The following ZDHHC15 variants were observed in gnomAD, a reference collection of about 807,000 sequenced individuals.
The protein encoded by ZDHHC15 is zDHHC palmitoyltransferase 15, also known as palmitoyltransferase ZDHHC15.
In ZDHHC15, 19 loss-of-function variants were observed where a neutral mutation model predicts 31.7. That is an observed-to-expected ratio of 0.60 (90% confidence interval 0.42 to 0.88). ZDHHC15 has a LOEUF of 0.88. Among genes scored for constraint, ZDHHC15 ranks in the 40% least tolerant of loss-of-function variants. The probability of loss-of-function intolerance (pLI) is 0.00; values close to 1 mark genes in which losing one functional copy is unlikely to be tolerated. For synonymous variants in ZDHHC15, 103 were observed against 90.0 expected (o/e 1.14, Z -0.82); for missense variants, 209 against 251.2 (o/e 0.83, Z 1.14).
At chrX:75,455,418 G>A (rs190706298) in intron 3 of ZDHHC15, among the ~76,000 whole-genome samples, 3,640 of 111,641 alleles carry the variant, frequency 0.033, 69 homozygotes, top group Non-Finnish European at 0.051. Flanking sequence ...AAAAACCCTA[G>A]AAGAAAACCT....
At chrX:75,454,974 A>G (rs1321311433) in intron 3 of ZDHHC15, among the ~76,000 whole-genome samples, 1 of 111,389 alleles carries the variant, frequency 9.0e-6, no homozygotes, top group Non-Finnish European at 1.9e-5. Flanking sequence ...TGTCATCCCC[A>G]TCAAGCTACC....
At position 75,422,806 on chromosome X, in the gene ZDHHC15, A is replaced by T. The variant is rs765816665; in HGVS notation, c.737-816T>A. ...AAATGGGTGCAAATACTTTTTTTTT[A>T]AATTTATTATTATTATACTTTAAGT... On this transcript the variant is annotated intron_variant, in intron 8 of 11. Coordinates refer to ENST00000373367, the MANE Select transcript of ZDHHC15 (RefSeq NM_144969.3). Among the ~76,000 whole-genome samples, 8 of 110,099 alleles carry T rather than the reference A, an allele frequency of 7.3e-5. No individual in the cohort carries two copies. In the South Asian group the frequency reaches 2.8e-3, roughly 38 times the overall value.
chrX:75,492,952 A>G lies in ZDHHC15; in HGVS notation c.163+12869T>C, dbSNP rs192785234. 1.9e-3 allele frequency among the ~76,000 whole-genome samples: 213 copies of G among 112,047 alleles called. 2 individuals are homozygous for G. The highest frequency in any genetic ancestry group is 1.8e-3 in the Non-Finnish European group (94 of 53,227). On this transcript the variant is annotated intron_variant, in intron 2 of 11. Coordinates refer to ENST00000373367, the MANE Select transcript of ZDHHC15 (RefSeq NM_144969.3). Reference sequence around the variant, plus strand: ...AGATCAGAGCAGAACTGAAGGAAATAGAGAGACAAAAAAATCCTTCAAAAA... The same window carrying G: ...AGATCAGAGCAGAACTGAAGGAAATGGAGAGACAAAAAAATCCTTCAAAAA...
At chrX:75,470,531 T>C (rs2084487989) in intron 3 of ZDHHC15, among the ~76,000 whole-genome samples, 1 of 111,755 alleles carries the variant, frequency 8.9e-6, no homozygotes, top group East Asian at 2.8e-4. Context: ...CCAGGGTAAC[T>C]GCACTGGGGA....
chrX:75,492,930 T>C (rs1223818539), intron 2 of ZDHHC15, among the ~76,000 whole-genome samples: 1 of 110,769 alleles, frequency 9.0e-6, no homozygotes, highest in Non-Finnish European at 1.9e-5. Flanking sequence ...ATAACTAAGA[T>C]CAGAGCAGAA....
chrX:75,452,806 C>G (rs2147915053), intron 3 of ZDHHC15, among the ~76,000 whole-genome samples: 1 of 111,626 alleles, frequency 9.0e-6, no homozygotes, highest in Non-Finnish European at 1.9e-5. Context: ...GAAATGGAGG[C>G]AGAAATAAAG....
intron 10 of ZDHHC15, among the ~76,000 whole-genome samples, chrX:75,416,251 G>A (rs2083546863): frequency 9.0e-6 from 1 of 111,619 alleles, no homozygotes. Context: ...AGAAAGGCTT[G>A]TTCTCTACCG....
chrX:75,474,575 C>T (rs866346960), intron 3 of ZDHHC15, among the ~76,000 whole-genome samples: 31 of 6,352 alleles, frequency 4.9e-3, no homozygotes, highest in Middle Eastern at 0.17. Context: ...CCCCTTTATA[C>T]ACACACACAC....
chrX:75,488,806 A>G (rs1372269970), intron 2 of ZDHHC15, among the ~76,000 whole-genome samples: 1 of 112,102 alleles, frequency 8.9e-6, no homozygotes, highest in African/African-American at 3.2e-5. Context: ...GCATTGCCTC[A>G]CCTAGGAAGC....
In ZDHHC15 at chrX:75,409,931, T is replaced by C. The variant is rs921263826; in HGVS notation, c.967+7156A>G. On this transcript the variant is annotated intron_variant, in intron 10 of 11. Transcript: ENST00000373367. ...ACAATAAAGAAACCAGGTCTAAGTCTACACATTTACAGTCAACTCATTTTT... is the reference window on the plus strand; with the variant it reads ...ACAATAAAGAAACCAGGTCTAAGTCCACACATTTACAGTCAACTCATTTTT... 7.3e-5 allele frequency among the ~76,000 whole-genome samples: 8 copies of C among 110,180 alleles called. No homozygotes were observed. The Admixed American group carries it at 7.8e-4, about 11-fold the overall frequency.
At chrX:75,451,437 T>C (rs2084115790) in intron 3 of ZDHHC15, among the ~76,000 whole-genome samples, 2 of 112,540 alleles carry the variant, frequency 1.8e-5, no homozygotes, top group Non-Finnish European at 3.8e-5. Context: ...AAGGGGAAAT[T>C]TAGATATTCT....
intron 3 of ZDHHC15, among the ~76,000 whole-genome samples, chrX:75,472,392 A>G (rs1037348900): frequency 4.5e-5 from 5 of 112,220 alleles, no homozygotes; most frequent in Non-Finnish European, 9.4e-5. Flanking sequence ...TTTGAGCACC[A>G]CACCTGGTTG....
rs764042296 is a variant in ZDHHC15 at position 75,379,213 on chromosome X, C to T, written c.968-15G>A. 19 of 1,208,107 alleles carry T rather than the reference C, an allele frequency of 1.6e-5. No individual in the cohort carries two copies. The South Asian group carries it at 1.8e-4, about 11-fold the overall frequency. ...TTCTGGATAATCTGCAAGGTTGAAA[C>T]GTGAAGATGATCAAATGTCCCCGTG... On this transcript the variant is annotated splice_polypyrimidine_tract_variant and intron_variant, in intron 10 of 11. Transcript: ENST00000373367.
At position 75,522,934 on chromosome X, in the gene ZDHHC15, C is replaced by T; in HGVS notation, c.91G>A (p.Val31Ile). 1 of 1,211,909 alleles carries T rather than the reference C, an allele frequency of 8.3e-7. No homozygotes were observed. The highest frequency in any genetic ancestry group is 1.1e-6 in the Non-Finnish European group (1 of 895,541). Residue 31 changes from valine to isoleucine, a missense_variant, in exon 1 of 12, where the codon GTC becomes ATC. Val to Ile is a conservative substitution (Grantham distance 29). Transcript: ENST00000373367. ...SWVPVLVIVL[V>I]VLWSYYAYVF... ...TAGGCATAGTAGGACCAGAGCACGA[C>T]GAGGACAATAACGAGCACTGGCACC...
At chrX:75,388,816 C>T (rs906930497) in intron 10 of ZDHHC15, among the ~76,000 whole-genome samples, 3 of 111,852 alleles carry the variant, frequency 2.7e-5, no homozygotes, top group Admixed American at 1.9e-4. Flanking sequence ...TGAATAGATG[C>T]CTCCACCAAT....
chrX:75,522,412 CAGTAGGAAATCCCT>C (rs1316171941), intron 1 of ZDHHC15, among the ~76,000 whole-genome samples: 2 of 111,307 alleles, frequency 1.8e-5, no homozygotes, highest in African/African-American at 6.5e-5. Context: ...TTGGAACTCT[CAGTAGGAAATCCCT>C]AGTAGGAAAT....
chrX:75,395,648 C>G (rs2083291989), intron 10 of ZDHHC15, among the ~76,000 whole-genome samples: 1 of 111,615 alleles, frequency 9.0e-6, no homozygotes, highest in South Asian at 3.7e-4. Context: ...TGCAATCCCT[C>G]TTAATATACC....
chrX:75,475,016 G>A (rs374274345), intron 3 of ZDHHC15, among the ~76,000 whole-genome samples: 3 of 111,207 alleles, frequency 2.7e-5, no homozygotes, highest in Non-Finnish European at 3.8e-5. Context: ...CCGAGATTGC[G>A]CCGCTGCACT....
In ZDHHC15 at chrX:75,449,075, C is replaced by A. The variant is rs772855961; in HGVS notation, c.379+1727G>T. 6.3e-5 allele frequency among the ~76,000 whole-genome samples: 7 copies of A among 110,286 alleles called. No homozygotes were observed. The East Asian group carries it at 1.7e-3, about 27-fold the overall frequency. ...ACCATCAGCACTACTGGTTCTCAAA[C>A]CGTTTAACTCAGACTATAATTACAT... is the stretch of plus-strand genomic sequence containing the variant. On this transcript the variant is annotated intron_variant, in intron 4 of 11. Coordinates refer to ENST00000373367, the MANE Select transcript of ZDHHC15 (RefSeq NM_144969.3).
Sources: gnomAD v4.1 joint callset for allele counts (sites outside exome capture counted in the v4.1 genomes callset) on GRCh38, gnomAD v4.1.1 for gene constraint, MANE v1.5 for transcripts, NCBI Gene and HGNC (gene_info 2026-07-23, HGNC 2026-07-21) for gene names.